Variants in BICRA observed in about 807,000 individuals in gnomAD.
BICRA encodes BRD4-interacting chromatin-remodeling complex-associated protein.
Under a neutral mutation model 96.9 loss-of-function variants are expected in BICRA, and 31 were observed. The ratio of observed to expected loss-of-function variants is 0.32; its 90% CI spans 0.24 to 0.43. BICRA has a LOEUF of 0.43. Ranked by LOEUF, BICRA falls within the 20% of genes least tolerant of loss-of-function variation. BICRA has a pLI of 1.00. For missense variants in BICRA, 2,283 were observed against 2,190.3 expected (o/e 1.04, Z -0.84); for synonymous variants, 1,350 against 1,071.8 (o/e 1.26, Z -5.07).
At position 47,699,147 on chromosome 19, in the gene BICRA, C is replaced by A; in HGVS notation, c.3492+88C>A. 1 of 1,004,452 alleles carries A rather than the reference C, an allele frequency of 1.0e-6. No homozygotes were observed. The highest frequency in any genetic ancestry group is 1.5e-6 in the Non-Finnish European group (1 of 653,666). 62.2% of individuals were successfully genotyped at this position (1,004,452 alleles called of 1,614,324 possible). A position where few individuals can be genotyped will look rare whatever the true frequency, so the allele number is the denominator to read the frequency against. ...CTCACCCGCTCTGGGCAAGGTGGAG[C>A]CTCCCGCCCCTCCTAGCCCCGGGAG... On this transcript the variant is annotated intron_variant, in intron 13 of 14. Coordinates refer to ENST00000594866, the MANE Select transcript of BICRA (RefSeq NM_001394372.1). This position sits in a 1 kb window ranked among gnomAD's most constrained non-coding sequence, Gnocchi z 5.0.
At chr19:47,625,614 G>A (rs564462936) in intron 1 of BICRA, among the ~76,000 whole-genome samples, 1 of 152,236 alleles carries the variant, frequency 6.6e-6, no homozygotes, top group East Asian at 1.9e-4. Flanking sequence ...TTTGGATTGG[G>A]TTTTTGAGTT....
chr19:47,631,483 C>T (rs1972221399), intron 1 of BICRA, among the ~76,000 whole-genome samples: 1 of 152,108 alleles, frequency 6.6e-6, no homozygotes, highest in South Asian at 2.1e-4. Context: ...CCTCCTCAGC[C>T]TCCCAAAGAT....
intron 1 of BICRA, among the ~76,000 whole-genome samples, chr19:47,653,754 A>G (rs1270512415): frequency 6.6e-6 from 1 of 152,200 alleles, no homozygotes; most frequent in Admixed American, 6.5e-5. Context: ...TTATCCGTTC[A>G]TCCACGGACG....
At chr19:47,627,011 C>T (rs1047572151) in intron 1 of BICRA, among the ~76,000 whole-genome samples, 10 of 152,026 alleles carry the variant, frequency 6.6e-5, no homozygotes, top group Non-Finnish European at 1.5e-4. Flanking sequence ...CGTGAGCCAC[C>T]GCGCTTGGTC....
In BICRA at chr19:47,698,231, C is replaced by T. The variant is rs1480445480; in HGVS notation, c.3249-403C>T. 6.6e-6 allele frequency among the ~76,000 whole-genome samples: 1 copy of T among 152,138 alleles called. No individual in the cohort carries two copies. The highest frequency in any genetic ancestry group is 2.4e-5 in the African/African-American group (1 of 41,420). The stretch of plus-strand genomic sequence containing the variant: ...CGGCCCGTGAGAAGACAGGATCCAG[C>T]CTCCCTCCCTTCTTCCCGAAGGCTG... On this transcript the variant is annotated intron_variant, in intron 11 of 14. Coordinates refer to ENST00000594866, the MANE Select transcript of BICRA (RefSeq NM_001394372.1). This position sits in a 1 kb window ranked among gnomAD's most constrained non-coding sequence, Gnocchi z 4.8.
chr19:47,634,831 C>G lies in BICRA; in HGVS notation c.-108+25663C>G, dbSNP rs902726917. ...AGGCTGGAGTGCAGTGGCGCGATCTCGGCTCACTGCAAGCTCTGCTTCCCG... is the reference window on the plus strand; with the variant it reads ...AGGCTGGAGTGCAGTGGCGCGATCTGGGCTCACTGCAAGCTCTGCTTCCCG... On this transcript the variant is annotated intron_variant, in intron 1 of 14. Coordinates refer to ENST00000594866, the MANE Select transcript of BICRA (RefSeq NM_001394372.1). Among the ~76,000 whole-genome samples the G allele has an allele frequency of 2.1e-5, 3 of 144,136 alleles. No individual in the cohort carries two copies. The South Asian group carries it at 6.6e-4, about 32-fold the overall frequency. The allele number at this position is 144,136 out of a possible 152,430, so 94.6% of individuals were successfully genotyped here. A position where few individuals can be genotyped will look rare whatever the true frequency, so the allele number is the denominator to read the frequency against.
At chr19:47,695,285 C>G in intron 9 of BICRA, 80 bp from the exon 10 acceptor site, 2 of 805,320 alleles carry the variant, frequency 2.5e-6, no homozygotes, top group Non-Finnish European at 4.2e-6. Context: ...CGGTGGGGTA[C>G]AGGATGGGGC....
In BICRA at chr19:47,702,327, C is replaced by G; in HGVS notation, c.4595C>G (p.Pro1532Arg). The change falls in exon 15 of 15, where the codon CCC becomes CGC. Residue 1532 changes from proline to arginine, a missense_variant. Transcript: ENST00000594866. ...CCCCACGCTGCCTCGGCCGGCACCC[C>G]CGCATCCCCGCCGCCCCTGCACAGG... ...SYPHAASAGT[P>R]ASPPPLHRPE... 1 of 1,552,960 alleles carries G rather than the reference C, an allele frequency of 6.4e-7. No homozygotes were observed. The highest frequency in any genetic ancestry group is 1.2e-5 in the South Asian group (1 of 85,094).
chr19:47,626,618 G>A (rs1250401985), intron 1 of BICRA, among the ~76,000 whole-genome samples: 2 of 146,040 alleles, frequency 1.4e-5, no homozygotes, highest in African/African-American at 2.5e-5. Flanking sequence ...ATGTTGCCCA[G>A]GGTGGTCTTG....
At chr19:47,660,798 T>C (rs1430821526) in intron 1 of BICRA, among the ~76,000 whole-genome samples, 1 of 152,190 alleles carries the variant, frequency 6.6e-6, no homozygotes, top group Non-Finnish European at 1.5e-5. Context: ...AAATCCTGGC[T>C]CTTGGGTGAC....
At chr19:47,633,920 G>A (rs937030820) in intron 1 of BICRA, among the ~76,000 whole-genome samples, 60 of 152,320 alleles carry the variant, frequency 3.9e-4, no homozygotes, top group Admixed American at 3.7e-3. Flanking sequence ...CCGCCGAGGG[G>A]CGTTCTGTGC....
At chr19:47,676,370 A>C (rs1972940947) in intron 5 of BICRA, among the ~76,000 whole-genome samples, 1 of 152,092 alleles carries the variant, frequency 6.6e-6, no homozygotes, top group Non-Finnish European at 1.5e-5. Flanking sequence ...TCACCTGGGC[A>C]GTGAATATGG....
At chr19:47,638,498 G>A (rs770480300) in intron 1 of BICRA, among the ~76,000 whole-genome samples, 2 of 152,050 alleles carry the variant, frequency 1.3e-5, no homozygotes, top group African/African-American at 4.8e-5. Context: ...CTATACCCAC[G>A]TCCTCTTCCC....
rs1261093420 is a variant in BICRA at position 47,698,350 on chromosome 19, T to C, written c.3249-284T>C. On this transcript the variant is annotated intron_variant, in intron 11 of 14. Transcript: ENST00000594866. The surrounding 1 kb of genome is among the most constrained non-coding windows in gnomAD (Gnocchi z 4.8). ...GCTCTGGCCTCACTTCCCGCTCTGCTCTTCCTCCCTTACGTGCTTTGGAGA... is the reference window on the plus strand; with the variant it reads ...GCTCTGGCCTCACTTCCCGCTCTGCCCTTCCTCCCTTACGTGCTTTGGAGA... Among the ~76,000 whole-genome samples the C allele has an allele frequency of 6.6e-6, 1 of 152,136 alleles. No homozygotes were observed. Among genetic ancestry groups the C allele is most frequent in the African/African-American group, 2.4e-5 (1 of 41,438 alleles).
chr19:47,680,122 G>A lies in BICRA; in HGVS notation c.952G>A (p.Gly318Arg), dbSNP rs866702193. 3.3e-6 allele frequency: 5 copies of A among 1,531,390 alleles called. No homozygotes were observed. The African/African-American group carries it at 4.2e-5, about 13-fold the overall frequency. 94.9% of individuals were successfully genotyped at this position (1,531,390 alleles called of 1,614,324 possible). Residue 318 changes from glycine (G) to arginine (R), a missense_variant, in exon 6 of 15, where the codon GGG becomes AGG. Transcript: ENST00000594866. Reference sequence around the variant, plus strand: ...CGCGGGGGCCGCCTCGGCTCCCACCGGGACGCCCTCGGGACAGCCGCTGGC... The same window carrying A: ...CGCGGGGGCCGCCTCGGCTCCCACCAGGACGCCCTCGGGACAGCCGCTGGC... ...GGAGAASAPT[G>R]TPSGQPLAVA...
chr19:47,655,049 C>T (rs1972594000), intron 1 of BICRA, among the ~76,000 whole-genome samples: 1 of 152,136 alleles, frequency 6.6e-6, no homozygotes, highest in South Asian at 2.1e-4. Context: ...CTTTTCCCAT[C>T]ATTTATGGAC....
intron 1 of BICRA, among the ~76,000 whole-genome samples, chr19:47,667,081 C>CG (rs1568563797): frequency 6.6e-6 from 1 of 151,132 alleles, no homozygotes; most frequent in Non-Finnish European, 1.5e-5. Flanking sequence ...TGCAGTGGCA[C>CG]GATCTCGGCT....
intron 7 of BICRA, among the ~76,000 whole-genome samples, chr19:47,691,503 G>A (rs766674224): frequency 7.2e-5 from 11 of 152,110 alleles, no homozygotes; most frequent in Non-Finnish European, 1.2e-4. Context: ...TTCTGAATCA[G>A]TTGAGAGTAA....
At chr19:47,663,204 CGTG>C (rs1192943424) in intron 1 of BICRA, 4 of 152,098 alleles carry the variant, frequency 2.6e-5, no homozygotes, top group African/African-American at 7.2e-5. Context: ...GCCTGGCTAA[CGTG>C]GTGAACCCTG....
Sources: gnomAD v4.1 joint callset for allele counts (sites outside exome capture counted in the v4.1 genomes callset) on GRCh38, gnomAD v4.1.1 for gene constraint, Gnocchi (gnomAD v3.1) non-coding constraint, MANE v1.5 for transcripts, NCBI Gene and HGNC (gene_info 2026-07-23, HGNC 2026-07-21) for gene names.